Variants in PNPLA1 observed in about 807,000 individuals in gnomAD.
The protein encoded by PNPLA1 is patatin like domain 1, omega-hydroxyceramide transacylase.
In PNPLA1, 36 loss-of-function variants were observed where a neutral mutation model predicts 51.7. The ratio of observed to expected loss-of-function variants is 0.70; its 90% CI spans 0.53 to 0.92. The LOEUF (loss-of-function observed/expected upper bound fraction) is 0.92. Among genes scored for constraint, PNPLA1 ranks in the 40% least tolerant of loss-of-function variants. The probability of loss-of-function intolerance (pLI) is 0.00; values close to 1 mark genes in which losing one functional copy is unlikely to be tolerated. For missense variants in PNPLA1, 658 were observed against 682.5 expected (o/e 0.96, Z 0.40); for synonymous variants, 293 against 280.1 (o/e 1.05, Z -0.46).
intron 1 of PNPLA1, among the ~76,000 whole-genome samples, chr6:36,273,985 G>A (rs969732739): frequency 6.6e-6 from 1 of 152,086 alleles, no homozygotes; most frequent in Non-Finnish European, 1.5e-5. Context: ...TGGGACTCAC[G>A]CTGTCCGCTC....
rs757289193 is a variant in PNPLA1, at chr6:36,294,392, A to T, written c.707A>T (p.Asp236Val). 5.0e-6 allele frequency: 8 copies of T among 1,613,758 alleles called. No individual in the cohort carries two copies. In the Admixed American group the frequency reaches 1.3e-4, roughly 27 times the overall value. The change falls in exon 4 of 9, where the codon GAC (aspartate) becomes GTC (valine). Residue 236 changes from aspartate to valine, a missense_variant. Coordinates refer to ENST00000636260, the MANE Select transcript of PNPLA1 (RefSeq NM_001374623.1). This position sits in a 1 kb window ranked among gnomAD's most constrained non-coding sequence, Gnocchi z 4.2. ...ATGACCCACGCATTGTTCCCCCCGG[A>T]CCTGGTGGTGAGAGGCAGGAGGGGT... ...ARMTHALFPPDLVILHDYYYR... is the reference protein window; with the variant it reads ...ARMTHALFPPVLVILHDYYYR...
chr6:36,297,144 C>A (rs1028513048), intron 5 of PNPLA1, among the ~76,000 whole-genome samples: 1 of 152,160 alleles, frequency 6.6e-6, no homozygotes, highest in Admixed American at 6.5e-5. Flanking sequence ...TGGATGGGGG[C>A]AGGCTTCTTC....
chr6:36,311,167 G>A (rs1771400530), intron 8 of PNPLA1, among the ~76,000 whole-genome samples: 1 of 152,244 alleles, frequency 6.6e-6, no homozygotes, highest in Non-Finnish European at 1.5e-5. Context: ...CCAGATGACT[G>A]ATGCACGCTG....
chr6:36,284,336 T>C (rs2213558), intron 1 of PNPLA1, among the ~76,000 whole-genome samples: 142,990 of 152,368 alleles, frequency 0.94, 67,159 homozygotes, highest in East Asian at 0.99. Flanking sequence ...CCATTAAAGA[T>C]GTTGTTTTGT....
At chr6:36,308,113 A>T (rs1466267105) in intron 8 of PNPLA1, 1 of 154,746 alleles carries the variant, frequency 6.5e-6, no homozygotes, top group African/African-American at 2.4e-5. Context: ...ATGGTGGCTC[A>T]TGCCTGTAAT....
intron 1 of PNPLA1, among the ~76,000 whole-genome samples, chr6:36,257,375 G>A (rs926254114): frequency 9.2e-5 from 14 of 152,228 alleles, no homozygotes; most frequent in Admixed American, 7.2e-4. Flanking sequence ...TTAGTCCAGC[G>A]GCTCAGAGAC....
intron 1 of PNPLA1, among the ~76,000 whole-genome samples, chr6:36,284,049 A>G (rs1332926205): frequency 6.6e-6 from 1 of 152,226 alleles, no homozygotes; most frequent in Non-Finnish European, 1.5e-5. Context: ...GTTTCACCTC[A>G]GGGTGATCAG....
intron 1 of PNPLA1, among the ~76,000 whole-genome samples, chr6:36,252,388 C>T (rs1357213948): frequency 4.6e-5 from 7 of 152,194 alleles, no homozygotes; most frequent in Non-Finnish European, 2.9e-5. Context: ...GCTGCAGTAA[C>T]GCAGCAAGGA....
intron 1 of PNPLA1, among the ~76,000 whole-genome samples, chr6:36,283,676 A>G (rs1046045449): frequency 2.0e-5 from 3 of 152,200 alleles, no homozygotes; most frequent in Admixed American, 1.3e-4. Context: ...ATCTCCTCCT[A>G]TGCCCTAGCT....
At chr6:36,300,172 T>TGAGA (rs1561869592) in intron 5 of PNPLA1, among the ~76,000 whole-genome samples, 3 of 71,808 alleles carry the variant, frequency 4.2e-5, no homozygotes, top group African/African-American at 1.3e-4. Context: ...TGTGTGTGTG[T>TGAGA]GTGTGTGAGA....
intron 1 of PNPLA1, among the ~76,000 whole-genome samples, chr6:36,246,047 C>T (rs1769273789): frequency 6.6e-6 from 1 of 152,146 alleles, no homozygotes; most frequent in Admixed American, 6.5e-5. Flanking sequence ...ATCTAGCCAA[C>T]ATTTTGTGAG....
At chr6:36,288,543 C>T (rs1277297367) in intron 1 of PNPLA1, among the ~76,000 whole-genome samples, 2 of 150,634 alleles carry the variant, frequency 1.3e-5, no homozygotes, top group Non-Finnish European at 2.9e-5. Context: ...AGCTCCGCTT[C>T]CCGGGTTCAC....
intron 1 of PNPLA1, among the ~76,000 whole-genome samples, chr6:36,283,080 A>G (rs1032208538): frequency 6.6e-6 from 1 of 152,202 alleles, no homozygotes; most frequent in African/African-American, 2.4e-5. Flanking sequence ...AGCTCTGCGT[A>G]TCCTTCACCC....
At chr6:36,257,183 T>A (rs1306730591) in intron 1 of PNPLA1, among the ~76,000 whole-genome samples, 1 of 152,224 alleles carries the variant, frequency 6.6e-6, no homozygotes, top group Admixed American at 6.5e-5. Context: ...TCCCTGCATT[T>A]GCTGCTCCCC....
intron 1 of PNPLA1, among the ~76,000 whole-genome samples, chr6:36,247,899 T>C (rs777188605): frequency 2.6e-5 from 4 of 152,228 alleles, no homozygotes; most frequent in Non-Finnish European, 5.9e-5. Context: ...GCTGTGATTA[T>C]CTGGGATGTC....
intron 1 of PNPLA1, 73 bp from the exon 2 acceptor site, chr6:36,291,247 C>T: frequency 1.6e-6 from 2 of 1,220,534 alleles, no homozygotes; most frequent in South Asian, 2.9e-5. Flanking sequence ...GTTGGAGAAA[C>T]CACCCTAGAC....
At chr6:36,262,026 G>A (rs568199620) in intron 1 of PNPLA1, among the ~76,000 whole-genome samples, 2 of 152,138 alleles carry the variant, frequency 1.3e-5, no homozygotes, top group South Asian at 2.1e-4. Context: ...GGGGAGAATC[G>A]CCTGCCAGAG....
At chr6:36,274,000 G>A (rs1252303765) in intron 1 of PNPLA1, among the ~76,000 whole-genome samples, 1 of 152,162 alleles carries the variant, frequency 6.6e-6, no homozygotes, top group African/African-American at 2.4e-5. Flanking sequence ...CCGCTCAGCA[G>A]CATGTTTATG....
At chr6:36,301,777 A>G in intron 5 of PNPLA1, 84 bp from the exon 6 acceptor site, 1 of 1,496,222 alleles carries the variant, frequency 6.7e-7, no homozygotes, top group Admixed American at 2.1e-5. Flanking sequence ...GTTCCTGTTT[A>G]GGAAAATAAC....
Sources: allele counts gnomAD v4.1 joint callset (sites outside exome capture counted in the v4.1 genomes callset), GRCh38; gene constraint gnomAD v4.1.1; non-coding constraint Gnocchi (gnomAD v3.1); transcripts MANE v1.5; gene names NCBI Gene and HGNC (gene_info 2026-07-23, HGNC 2026-07-21).